Variants in LRP1B observed in about 807,000 individuals in gnomAD.
The protein encoded by LRP1B is LDL receptor related protein 1B, also known as low-density lipoprotein receptor-related protein 1B.
A neutral mutation model predicts 556.6 loss-of-function variants in LRP1B; 217 were observed. That is an observed-to-expected ratio of 0.39 (90% CI 0.35 to 0.44). The LOEUF is 0.44. LRP1B is among the 20% of genes least tolerant of loss of function. The pLI is 1.00. For missense variants in LRP1B, 5,053 were observed against 5,620.8 expected, an observed-to-expected ratio of 0.90 and a Z score of 3.23; for synonymous variants, 2,047 against 1,865.8, an observed-to-expected ratio of 1.10 and a Z score of -2.50.
chr2:140,457,665 T>C lies in LRP1B; in HGVS notation c.9626-14A>G, dbSNP rs1232706813. On this transcript the variant is annotated splice_polypyrimidine_tract_variant and intron_variant, in intron 60 of 90. Coordinates refer to ENST00000389484, the MANE Select transcript of LRP1B (RefSeq NM_018557.3). The stretch of plus-strand genomic sequence containing the variant: ...CTTGATTAGGGACTGTAATAGGAGA[T>C]GGTAAGATTAATGTTCAGTCTTGGA... The C allele has an allele frequency of 6.2e-7, 1 of 1,601,812 alleles. No homozygotes were observed. The highest frequency in any genetic ancestry group is 1.3e-5 in the African/African-American group (1 of 74,634).
At chr2:140,246,296 C>A (rs1681157639) in intron 87 of LRP1B, among the ~76,000 whole-genome samples, 1 of 151,268 alleles carries the variant, frequency 6.6e-6, no homozygotes, top group African/African-American at 2.4e-5. Flanking sequence ...GTTATTTTTT[C>A]TTTGCAAGTT....
At position 140,942,591 on chromosome 2, in the gene LRP1B, C is replaced by T. The variant is rs148512551; in HGVS notation, c.3136+7644G>A. Among the ~76,000 whole-genome samples the T allele has an allele frequency of 1.7e-3, 253 of 152,224 alleles. 6 individuals carry two copies. In the East Asian group the frequency reaches 0.044, roughly 26 times the overall value. ...ATCCTATCAGACAAATGTCAGACTC[C>T]TCTGCAGAAACCTTTCAAGCCAGAA... On this transcript the variant is annotated intron_variant, in intron 20 of 90. Transcript: ENST00000389484.
intron 49 of LRP1B, among the ~76,000 whole-genome samples, chr2:140,523,941 G>A (rs1187995958): frequency 6.6e-6 from 1 of 151,740 alleles, no homozygotes; most frequent in African/African-American, 2.4e-5. Flanking sequence ...GTCCTCAAAA[G>A]CAATTGCAAC....
chr2:140,678,454 T>A (rs1487348966), intron 41 of LRP1B, among the ~76,000 whole-genome samples: 1 of 152,224 alleles, frequency 6.6e-6, no homozygotes, highest in Non-Finnish European at 1.5e-5. Context: ...TCAAAATCAG[T>A]ATAGATTTTA....
chr2:141,040,720 C>T (rs1409808479), intron 11 of LRP1B, among the ~76,000 whole-genome samples: 1 of 151,984 alleles, frequency 6.6e-6, no homozygotes, highest in Non-Finnish European at 1.5e-5. Flanking sequence ...CTACACATTT[C>T]AACACACAAT....
rs1706201281 is a variant in LRP1B, at chr2:142,092,274, G to A, written c.82+38374C>T. Among the ~76,000 whole-genome samples the A allele has an allele frequency of 2.0e-5, 3 of 152,178 alleles. No individual in the cohort carries two copies. In the South Asian group the frequency reaches 6.2e-4, roughly 32 times the overall value. ...TTTAATAAATTCTTATAAATTGTTT[G>A]TTTAAAAATATGTACTTTCTGCCAG... On this transcript the variant is annotated intron_variant, in intron 1 of 90. Transcript: ENST00000389484.
At chr2:141,691,237 C>G (rs1264187302) in intron 2 of LRP1B, among the ~76,000 whole-genome samples, 1 of 151,768 alleles carries the variant, frequency 6.6e-6, no homozygotes, top group Non-Finnish European at 1.5e-5. Flanking sequence ...TACTAAGCAG[C>G]TAGGAATGAC....
chr2:142,061,769 T>C (rs1250885173), intron 1 of LRP1B, among the ~76,000 whole-genome samples: 1 of 151,998 alleles, frequency 6.6e-6, no homozygotes, highest in Non-Finnish European at 1.5e-5. Flanking sequence ...CTTCAGAACA[T>C]AAAAACTTAC....
intron 32 of LRP1B, among the ~76,000 whole-genome samples, chr2:140,793,016 C>T (rs1029230306): frequency 2.0e-5 from 3 of 151,820 alleles, no homozygotes; most frequent in Non-Finnish European, 2.9e-5. Context: ...TATAGTAGTA[C>T]GTAAACATTA....
intron 2 of LRP1B, among the ~76,000 whole-genome samples, chr2:141,699,332 T>C (rs1346778301): frequency 6.6e-6 from 1 of 151,816 alleles, no homozygotes; most frequent in Non-Finnish European, 1.5e-5. Flanking sequence ...AAACTATTTA[T>C]TTAGCATTCT....
At position 140,857,536 on chromosome 2, in the gene LRP1B, A is replaced by C. The variant is rs186754619; in HGVS notation, c.4580-5753T>G. 1.1e-3 allele frequency among the ~76,000 whole-genome samples: 174 copies of C among 152,260 alleles called. 1 individual carries two copies. Among genetic ancestry groups the C allele is most frequent in the African/African-American group, 3.9e-3 (164 of 41,570 alleles). ...ATTGAAGAACTTGAGTGAATTCCTT[A>C]TTTAAAATATATACACCTAAAATAT... On this transcript the variant is annotated intron_variant, in intron 27 of 90. Coordinates refer to ENST00000389484, the MANE Select transcript of LRP1B (RefSeq NM_018557.3).
intron 31 of LRP1B, among the ~76,000 whole-genome samples, chr2:140,831,848 A>G (rs1377919170): frequency 2.6e-5 from 4 of 152,202 alleles, no homozygotes; most frequent in African/African-American, 9.6e-5. Flanking sequence ...TGATTTTAAA[A>G]TGGGCAAAAG....
chr2:141,498,884 C>A (rs1025683538), intron 2 of LRP1B, among the ~76,000 whole-genome samples: 4 of 152,092 alleles, frequency 2.6e-5, no homozygotes, highest in Admixed American at 1.3e-4. Flanking sequence ...GTGAGGGCTT[C>A]TACAAAGTCA....
chr2:141,458,916 T>A (rs1681743710), intron 3 of LRP1B, among the ~76,000 whole-genome samples: 1 of 152,150 alleles, frequency 6.6e-6, no homozygotes, highest in Non-Finnish European at 1.5e-5. Context: ...AATAACTTAT[T>A]TCCCATTTTT....
intron 72 of LRP1B, among the ~76,000 whole-genome samples, chr2:140,361,471 A>C (rs1228228063): frequency 6.7e-6 from 1 of 148,268 alleles, no homozygotes; most frequent in African/African-American, 2.5e-5. Context: ...TAGTCTGTCA[A>C]CTCATTTCTA....
intron 1 of LRP1B, among the ~76,000 whole-genome samples, chr2:141,995,412 ACT>A (rs761802396): frequency 1.3e-5 from 2 of 151,872 alleles, no homozygotes; most frequent in East Asian, 1.9e-4. Context: ...TCTGCTTCTG[ACT>A]CTGACTCTTC....
intron 77 of LRP1B, among the ~76,000 whole-genome samples, chr2:140,339,655 C>G (rs1681271812): frequency 6.6e-6 from 1 of 151,560 alleles, no homozygotes. Context: ...GAATCGGATT[C>G]ACTTCCAATG....
At chr2:141,582,827 CTTTTTTTT>C (rs869158175) in intron 2 of LRP1B, among the ~76,000 whole-genome samples, 6 of 71,786 alleles carry the variant, frequency 8.4e-5, no homozygotes, top group East Asian at 5.4e-4. Flanking sequence ...ACCTATTAAA[CTTTTTTTT>C]TTTTTTTTTT....
chr2:140,971,840 A>C (rs1369359399), intron 18 of LRP1B, among the ~76,000 whole-genome samples: 1 of 152,198 alleles, frequency 6.6e-6, no homozygotes, highest in East Asian at 1.9e-4. Flanking sequence ...TCTCAAAAAA[A>C]AATTAGAATC....
Sources: allele counts gnomAD v4.1 joint callset (sites outside exome capture counted in the v4.1 genomes callset), GRCh38; gene constraint gnomAD v4.1.1; transcripts MANE v1.5; gene names NCBI Gene and HGNC (gene_info 2026-07-23, HGNC 2026-07-21).